NFATC2: variants seen among roughly 807,000 people sequenced by gnomAD.
The protein encoded by NFATC2 is nuclear factor of activated T cells 2.
A neutral mutation model predicts 87.3 loss-of-function variants in NFATC2; 22 were observed. That is an observed-to-expected ratio of 0.25 (90% CI 0.18 to 0.36). The LOEUF (loss-of-function observed/expected upper bound fraction) is 0.36, where lower values mean the gene tolerates loss of function less well. Ranked by LOEUF, NFATC2 falls within the 10% of genes least tolerant of loss-of-function variation. The probability of loss-of-function intolerance (pLI) is 1.00; values close to 1 mark genes in which losing one functional copy is unlikely to be tolerated. For missense variants in NFATC2, 1,149 were observed against 1,259.1 expected, an observed-to-expected ratio of 0.91 and a Z score of 1.32; for synonymous variants, 565 against 542.2, an observed-to-expected ratio of 1.04 and a Z score of -0.58.
At chr20:51,451,111 A>G (rs562713329) in intron 6 of NFATC2, among the ~76,000 whole-genome samples, 1 of 152,348 alleles carries the variant, frequency 6.6e-6, no homozygotes, top group Non-Finnish European at 1.5e-5. Context: ...CACTCAGTCA[A>G]CAGAGCCCTG....
chr20:51,478,999 A>G (rs1988993846), intron 3 of NFATC2, among the ~76,000 whole-genome samples: 2 of 152,184 alleles, frequency 1.3e-5, no homozygotes, highest in African/African-American at 2.4e-5. Context: ...ACAAGAACCA[A>G]TCGTTAAACC....
intron 9 of NFATC2, chr20:51,399,321 A>C (rs1346921706): frequency 1.3e-5 from 2 of 152,452 alleles, no homozygotes; most frequent in African/African-American, 4.8e-5. Context: ...TGTAAATAAT[A>C]CTCCTCTCTA....
intron 1 of NFATC2, among the ~76,000 whole-genome samples, chr20:51,561,471 GAA>G (rs1221269362): frequency 7.2e-6 from 1 of 137,952 alleles, no homozygotes; most frequent in East Asian, 2.1e-4. Context: ...AAGAAAGAAA[GAA>G]AGAAAGAAAG....
intron 2 of NFATC2, among the ~76,000 whole-genome samples, chr20:51,517,325 C>T (rs1158245338): frequency 1.3e-5 from 2 of 152,078 alleles, no homozygotes; most frequent in Non-Finnish European, 2.9e-5. Context: ...TGTGGTGGCT[C>T]ATGACTTAAT....
At chr20:51,394,356 A>G (rs1461948944) in intron 10 of NFATC2, among the ~76,000 whole-genome samples, 2 of 151,994 alleles carry the variant, frequency 1.3e-5, no homozygotes, top group African/African-American at 4.8e-5. Context: ...CCCTTTCACC[A>G]TGCCATTTCT....
intron 3 of NFATC2, among the ~76,000 whole-genome samples, chr20:51,498,224 A>ATCCATCACCCAGACTCCCC (rs2076021463): frequency 6.6e-6 from 1 of 152,072 alleles, no homozygotes; most frequent in Non-Finnish European, 1.5e-5. Context: ...ACGCCAGCAC[A>ATCCATCACCCAGACTCCCC]TCCATCACCC....
In NFATC2 at chr20:51,480,995, G is replaced by A. The variant is rs1391028400; in HGVS notation, c.1333-5335C>T. 6.6e-6 allele frequency among the ~76,000 whole-genome samples: 1 copy of A among 152,182 alleles called. No homozygotes were observed. The highest frequency in any genetic ancestry group is 6.5e-5 in the Admixed American group (1 of 15,282). On this transcript the variant is annotated intron_variant, in intron 3 of 10. Transcript: ENST00000371564. The surrounding 1 kb of genome is among the most constrained non-coding windows in gnomAD (Gnocchi z 4.2). ...TTCTCAGTGGGCTGGCTCAACAGTT[G>A]CCGGCTTGGAGTGTCAGAGGAAAGA...
At chr20:51,405,251 C>G (rs1988445593) in intron 9 of NFATC2, among the ~76,000 whole-genome samples, 1 of 152,164 alleles carries the variant, frequency 6.6e-6, no homozygotes. Context: ...CCACCCTCCA[C>G]CACTAGACTT....
intron 9 of NFATC2, among the ~76,000 whole-genome samples, chr20:51,421,553 G>C (rs113880208): frequency 0.025 from 3,746 of 152,298 alleles, 159 homozygotes; most frequent in African/African-American, 0.085. Context: ...AGACAAAAGG[G>C]AATGGCGGGG....
chr20:51,447,575 C>T (rs1261708537), intron 6 of NFATC2, among the ~76,000 whole-genome samples: 1 of 152,242 alleles, frequency 6.6e-6, no homozygotes, highest in East Asian at 1.9e-4. Context: ...CCCGCTGCCA[C>T]ATCACTTTTA....
chr20:51,451,055 T>C (rs1292700071), intron 6 of NFATC2, among the ~76,000 whole-genome samples: 1 of 152,242 alleles, frequency 6.6e-6, no homozygotes, highest in African/African-American at 2.4e-5. Context: ...AACTCTTTCC[T>C]GCACAGTTCC....
chr20:51,415,245 CAA>C (rs33978165), intron 9 of NFATC2, among the ~76,000 whole-genome samples: 12 of 136,540 alleles, frequency 8.8e-5, no homozygotes, highest in African/African-American at 8.3e-5. Flanking sequence ...GACCCTGTAT[CAA>C]AAAAAAAAAA....
intron 5 of NFATC2, among the ~76,000 whole-genome samples, chr20:51,472,912 C>T (rs1351893761): frequency 2.6e-5 from 4 of 152,254 alleles, no homozygotes; most frequent in East Asian, 3.9e-4. Context: ...TGAGCCACTG[C>T]GCCTTGCCTC....
At position 51,403,563 on chromosome 20, in the gene NFATC2, A is replaced by C. The variant is rs114632124; in HGVS notation, c.2723-4833T>G. Among the ~76,000 whole-genome samples, 226 of 151,538 alleles carry C rather than the reference A, an allele frequency of 1.5e-3. 2 individuals are homozygous for C. The highest frequency in any genetic ancestry group is 5.2e-3 in the African/African-American group (215 of 41,306). On this transcript the variant is annotated intron_variant, in intron 9 of 10. Coordinates refer to ENST00000371564, the MANE Select transcript of NFATC2 (RefSeq NM_012340.5). ...AATTCCTATATTGAAGCCCTAAACCACTCTGTGATGGTATTTGGAGATGGG... is the reference window on the plus strand; with the variant it reads ...AATTCCTATATTGAAGCCCTAAACCCCTCTGTGATGGTATTTGGAGATGGG...
intron 5 of NFATC2, among the ~76,000 whole-genome samples, chr20:51,467,467 G>T (rs1019332965): frequency 6.6e-6 from 1 of 152,176 alleles, no homozygotes; most frequent in Admixed American, 6.5e-5. Context: ...TGAGGCAGGA[G>T]AATCACTTGA....
Position 51,428,384 on chromosome 20 carries a change from T to G in NFATC2, c.2722+3683A>C, listed in dbSNP as rs6096429. 3.2e-3 allele frequency among the ~76,000 whole-genome samples: 493 copies of G among 152,328 alleles called. 5 individuals carry two copies. Among genetic ancestry groups the G allele is most frequent in the African/African-American group, 0.011 (469 of 41,572 alleles). Reference sequence around the variant, plus strand: ...CACGGGGCTCAGGGGAGTGCATGCCTTGGGCCCTGGAATATTACTTATTTT... The same window carrying G: ...CACGGGGCTCAGGGGAGTGCATGCCGTGGGCCCTGGAATATTACTTATTTT... On this transcript the variant is annotated intron_variant, in intron 9 of 10. Transcript: ENST00000371564.
chr20:51,516,810 G>T lies in NFATC2; in HGVS notation c.1306C>A (p.Pro436Thr). 6.2e-7 allele frequency: 1 copy of T among 1,612,196 alleles called. No homozygotes were observed. The highest frequency in any genetic ancestry group is 8.5e-7 in the Non-Finnish European group (1 of 1,178,794). The change falls in exon 3 of 11, where the codon CCA becomes ACA. Residue 436 changes from proline (P) to threonine (T), a missense_variant. Pro to Thr is a conservative substitution (Grantham distance 38). Around this residue, in one of 3 missense-constraint regions of NFATC2, gnomAD observed 581 missense variants for 649.7 expected, o/e 0.89. Transcript: ENST00000371564. ...TEGSRGAVKA[P>T]TGGHPVVQLH... ...TGAACCACAGGGTGGCCTCCAGTTG[G>T]AGCTTTGACAGCCCCTCGGCTGCCT... is the stretch of plus-strand genomic sequence containing the variant.
chr20:51,491,374 C>T (rs983859736), intron 3 of NFATC2, among the ~76,000 whole-genome samples: 3 of 152,132 alleles, frequency 2.0e-5, no homozygotes, highest in East Asian at 1.9e-4. Flanking sequence ...TCAGGTAGCC[C>T]GTCTGTCTGT....
intron 3 of NFATC2, among the ~76,000 whole-genome samples, chr20:51,476,408 C>G (rs958099511): frequency 6.6e-6 from 1 of 151,938 alleles, no homozygotes; most frequent in Admixed American, 6.6e-5. Context: ...AAAATATGTG[C>G]AACATATAAC....
Sources: gnomAD v4.1 joint callset for allele counts (sites outside exome capture counted in the v4.1 genomes callset) on GRCh38, gnomAD v4.1.1 for gene constraint, gnomAD v4.1.1 regional missense constraint, Gnocchi (gnomAD v3.1) non-coding constraint, MANE v1.5 for transcripts, NCBI Gene and HGNC (gene_info 2026-07-23, HGNC 2026-07-21) for gene names.